Variants in CD99L2 observed in about 807,000 individuals in gnomAD.
The protein encoded by CD99L2 is CD99 molecule like 2, also known as CD99 antigen-like protein 2.
CD99L2 carries 24 observed loss-of-function variants against 27.3 expected under a neutral mutation model. The observed-to-expected ratio is 0.88, with a 90% CI of 0.64 to 1.24. The LOEUF (loss-of-function observed/expected upper bound fraction) is 1.24. Ranked by LOEUF, CD99L2 falls within the 50% of genes most tolerant of loss-of-function variation. CD99L2 has a pLI of 0.00. For synonymous variants in CD99L2, 97 were observed against 87.9 expected (o/e 1.10, Z -0.58); for missense variants, 255 against 221.6 (o/e 1.15, Z -0.96).
intron 1 of CD99L2, among the ~76,000 whole-genome samples, chrX:150,870,089 T>C (rs1345866746): frequency 8.9e-6 from 1 of 112,033 alleles, no homozygotes; most frequent in African/African-American, 3.2e-5. Context: ...AAGAACAGCC[T>C]GCCAGGAAAC....
intron 2 of CD99L2, chrX:150,829,575 C>T (rs2124231929): frequency 3.1e-6 from 1 of 321,083 alleles, no homozygotes; most frequent in African/African-American, 2.7e-5. Context: ...TGTTTTAAGC[C>T]ATCTAGTTTG....
rs1021993966 is a variant in CD99L2 at position 150,768,651 on chromosome X, G to A, written c.*383C>T. On this transcript the variant is annotated 3_prime_UTR_variant, in exon 11 of 11. Coordinates refer to ENST00000370377, the MANE Select transcript of CD99L2 (RefSeq NM_031462.4). The stretch of plus-strand genomic sequence containing the variant: ...CCACAATGAGCCACTCCAGTGTGCA[G>A]GGGTCACAGTCCCTTGAGTTCAAAC... 5.6e-6 allele frequency: 1 copy of A among 178,489 alleles called. No homozygotes were observed. Among genetic ancestry groups the A allele is most frequent in the Non-Finnish European group, 1.0e-5 (1 of 97,567 alleles). The allele number at this position is 178,489 out of a possible 1,213,427, so 14.7% of individuals were successfully genotyped here.
intron 1 of CD99L2, among the ~76,000 whole-genome samples, chrX:150,882,254 A>G (rs1182221422): frequency 8.9e-6 from 1 of 111,776 alleles, no homozygotes; most frequent in Non-Finnish European, 1.9e-5. Context: ...TGTACGTGTA[A>G]TAAGAGTGAC....
At chrX:150,777,661 T>C (rs2045422766) in intron 7 of CD99L2, among the ~76,000 whole-genome samples, 179 bp from the exon 8 acceptor site, 1 of 112,901 alleles carries the variant, frequency 8.9e-6, no homozygotes, top group African/African-American at 3.2e-5. Flanking sequence ...TTCTTATGCC[T>C]ACCACCTGCA....
At chrX:150,819,260 T>C in intron 2 of CD99L2, 1 of 319,768 alleles carries the variant, frequency 3.1e-6, no homozygotes, top group Non-Finnish European at 6.0e-6. Context: ...ATTTGACCTG[T>C]TTTATCTTAA....
At chrX:150,805,489 T>C (rs187193295) in intron 4 of CD99L2, among the ~76,000 whole-genome samples, 2 of 110,716 alleles carry the variant, frequency 1.8e-5, no homozygotes, top group Non-Finnish European at 3.8e-5. Context: ...ACCACAAAAA[T>C]ATGTTGGTAA....
intron 7 of CD99L2, among the ~76,000 whole-genome samples, chrX:150,783,142 C>T (rs868970412): frequency 1.9e-3 from 2 of 1,030 alleles, no homozygotes; most frequent in Non-Finnish European, 3.7e-3. Context: ...CGGGGCCTGT[C>T]GGGGGGTAGG....
At chrX:150,896,526 C>T (rs188781643) in intron 1 of CD99L2, among the ~76,000 whole-genome samples, 1 of 112,314 alleles carries the variant, frequency 8.9e-6, no homozygotes, top group Admixed American at 9.4e-5. Flanking sequence ...ATCTGAAAGC[C>T]AGTGATAATA....
At chrX:150,812,044 C>T (rs781962477) in intron 4 of CD99L2, among the ~76,000 whole-genome samples, 5 of 111,262 alleles carry the variant, frequency 4.5e-5, no homozygotes, top group Non-Finnish European at 7.5e-5. Flanking sequence ...AACTATAGTC[C>T]CAGCTACTTG....
At chrX:150,838,862 T>C (rs1206477573) in intron 1 of CD99L2, among the ~76,000 whole-genome samples, 1 of 66,716 alleles carries the variant, frequency 1.5e-5, no homozygotes, top group African/African-American at 6.3e-5. Flanking sequence ...GCGGAAAACA[T>C]GAACTTTAAC....
At chrX:150,810,482 T>C (rs1030561114) in intron 4 of CD99L2, among the ~76,000 whole-genome samples, 5 of 111,185 alleles carry the variant, frequency 4.5e-5, no homozygotes, top group African/African-American at 6.5e-5. Context: ...TAAAGGCCTA[T>C]AGTAAAAAAG....
chrX:150,769,674 T>A (rs191471690), intron 10 of CD99L2, among the ~76,000 whole-genome samples: 2 of 97,030 alleles, frequency 2.1e-5, no homozygotes, highest in Admixed American at 1.1e-4. Context: ...CTAGTCTCCC[T>A]GCCTGCGCCA....
rs782611327 is a variant in CD99L2 at position 150,847,288 on chromosome X, G to C, written c.68-15995C>G. Among the ~76,000 whole-genome samples the C allele has an allele frequency of 4.5e-5, 5 of 111,898 alleles. No homozygotes were observed. In the South Asian group the frequency reaches 1.8e-3, roughly 41 times the overall value. ...TTGTGTTGTAGTAAGTTTTGAAATG[G>C]GGAAGTGTGAGTCTACCAACTTTGT... On this transcript the variant is annotated intron_variant, in intron 1 of 10. Transcript: ENST00000370377.
chrX:150,861,870 T>C (rs1266409913), intron 1 of CD99L2, among the ~76,000 whole-genome samples: 14 of 106,757 alleles, frequency 1.3e-4, no homozygotes, highest in African/African-American at 4.5e-4. Context: ...CACTCCACTG[T>C]ACTCCAGCCT....
chrX:150,824,647 A>AGAAGAAGAAGAAGAGGAAGAG (rs1231979673), intron 2 of CD99L2, among the ~76,000 whole-genome samples: 4 of 87,139 alleles, frequency 4.6e-5, no homozygotes, highest in African/African-American at 1.9e-4. Context: ...GAGGAGAAGA[A>AGAAGAAGAAGAAGAGGAAGAG]GAAGAAGAAG....
chrX:150,786,869 G>A (rs782120753), intron 7 of CD99L2, among the ~76,000 whole-genome samples: 1 of 111,918 alleles, frequency 8.9e-6, no homozygotes, highest in Admixed American at 9.5e-5. Context: ...CCACAACCTC[G>A]TCAGCATTTA....
At chrX:150,896,573 T>C (rs2047614373) in intron 1 of CD99L2, among the ~76,000 whole-genome samples, 1 of 111,978 alleles carries the variant, frequency 8.9e-6, no homozygotes, top group African/African-American at 3.2e-5. Flanking sequence ...TTTAAAGCAA[T>C]ATATGTGAAG....
At position 150,770,309 on chromosome X, in the gene CD99L2, G is replaced by T. The variant is rs782158051; in HGVS notation, c.716C>A (p.Pro239His). 3 of 1,211,395 alleles carry T rather than the reference G, an allele frequency of 2.5e-6. No homozygotes were observed. The South Asian group carries it at 5.3e-5, about 21-fold the overall frequency. ...AGTGAGTACAAAGTTCTCACCTTGGGGTTCCTCACATACCACGGCTTCCAG... is the reference window on the plus strand; with the variant it reads ...AGTGAGTACAAAGTTCTCACCTTGGTGTTCCTCACATACCACGGCTTCCAG... ...ENLEAVVCEE[P>H]QVKYSTLHTQ... Residue 239 changes from proline to histidine, a missense_variant, in exon 10 of 11, where the codon CCC becomes CAC. Physicochemically the swap from Pro to His is moderately conservative, Grantham distance 77. Coordinates refer to ENST00000370377, the MANE Select transcript of CD99L2 (RefSeq NM_031462.4).
At chrX:150,841,505 C>T (rs2046622953) in intron 1 of CD99L2, among the ~76,000 whole-genome samples, 1 of 111,668 alleles carries the variant, frequency 9.0e-6, no homozygotes, top group Non-Finnish European at 1.9e-5. Flanking sequence ...ACATCAATCC[C>T]TCCAAAGCCA....
Sources: gnomAD v4.1 joint callset for allele counts (sites outside exome capture counted in the v4.1 genomes callset) on GRCh38, gnomAD v4.1.1 for gene constraint, MANE v1.5 for transcripts, NCBI Gene and HGNC (gene_info 2026-07-23, HGNC 2026-07-21) for gene names.